The following SNTN variants were observed in gnomAD, a reference collection of about 807,000 sequenced individuals.
SNTN encodes sentan.
SNTN carries 13 observed loss-of-function variants against 12.3 expected under a neutral mutation model. The ratio of observed to expected loss-of-function variants is 1.05; its 90% CI spans 0.69 to 1.67. SNTN has a LOEUF of 1.67. Among genes scored for constraint, SNTN ranks in the 40% most tolerant of loss-of-function variants. The pLI is 0.00. For missense variants in SNTN, 189 were observed against 169.8 expected (o/e 1.11, Z -0.63); for synonymous variants, 69 against 58.5 (o/e 1.18, Z -0.82).
intron 2 of SNTN, among the ~76,000 whole-genome samples, chr3:63,656,998 G>A (rs1267986732): frequency 6.6e-6 from 1 of 152,194 alleles, no homozygotes; most frequent in Non-Finnish European, 1.5e-5. Flanking sequence ...GTTGAGTCAT[G>A]TGCATTCATC....
chr3:63,658,479 A>C (rs576492946), intron 2 of SNTN, among the ~76,000 whole-genome samples: 1 of 151,444 alleles, frequency 6.6e-6, no homozygotes, highest in Non-Finnish European at 1.5e-5. Context: ...AAATAAATAC[A>C]TGTGTATACA....
At chr3:63,660,450 G>A (rs1441265410) in intron 3 of SNTN, among the ~76,000 whole-genome samples, 3 of 152,194 alleles carry the variant, frequency 2.0e-5, no homozygotes, top group Admixed American at 6.5e-5. Context: ...AGGGTTGGGG[G>A]TGGAATAGGA....
intron 3 of SNTN, among the ~76,000 whole-genome samples, chr3:63,660,597 G>C (rs999943454): frequency 1.3e-5 from 2 of 152,144 alleles, no homozygotes; most frequent in African/African-American, 4.8e-5. Flanking sequence ...TCTGACAATT[G>C]ATTGACTGTG....
At chr3:63,663,149 G>C (rs944052437) in intron 3 of SNTN, among the ~76,000 whole-genome samples, 1 of 152,100 alleles carries the variant, frequency 6.6e-6, no homozygotes, top group Non-Finnish European at 1.5e-5. Flanking sequence ...AACATAATAT[G>C]TGTGTTCAAA....
At chr3:63,653,184 G>A (rs1700639258) in intron 1 of SNTN, among the ~76,000 whole-genome samples, 1 of 152,148 alleles carries the variant, frequency 6.6e-6, no homozygotes, top group Admixed American at 6.6e-5. Context: ...TCATTTAGGA[G>A]ACTGGCTTTA....
chr3:63,655,215 C>A lies in SNTN; in HGVS notation c.145+419C>A, dbSNP rs77920141. ...GAGTGGAAACAGTGTGGCCACCTCT[C>A]GAAGTGTAAATATTTGCCCCTGGAA... On this transcript the variant is annotated intron_variant, in intron 2 of 3. Transcript: ENST00000343837. 1.1e-3 allele frequency among the ~76,000 whole-genome samples: 169 copies of A among 152,124 alleles called. 5 individuals are homozygous for A. In the East Asian group the frequency reaches 0.026, roughly 24 times the overall value.
intron 2 of SNTN, among the ~76,000 whole-genome samples, chr3:63,658,525 A>C (rs574765177): frequency 1.3e-5 from 2 of 151,974 alleles, no homozygotes; most frequent in Admixed American, 1.3e-4. Context: ...TTTCTTTGCT[A>C]GATCGTAAGA....
intron 3 of SNTN, chr3:63,663,694 C>T (rs570717953): frequency 2.9e-5 from 18 of 622,890 alleles, no homozygotes; most frequent in African/African-American, 2.9e-4. Context: ...GTTCATACAC[C>T]AGCTCCCCTT....
intron 3 of SNTN, 130 bp from the exon 4 acceptor site, chr3:63,663,807 T>G: frequency 8.0e-7 from 1 of 1,245,014 alleles, no homozygotes; most frequent in South Asian, 1.3e-5. Flanking sequence ...TTTTTCTTTT[T>G]TCTTTATAAA....
chr3:63,663,295 T>C (rs1700761617), intron 3 of SNTN, among the ~76,000 whole-genome samples: 1 of 152,142 alleles, frequency 6.6e-6, no homozygotes, highest in African/African-American at 2.4e-5. Flanking sequence ...ACTGCATCTG[T>C]AGGATGAGGA....
Position 63,652,717 on chromosome 3 carries a change from C to T in SNTN, c.30C>T (p.Asp10=). MGGCMHSTQ[D]KSLHLEGDPN... ...GTGGCTGTATGCACAGTACCCAGGA[C>T]AAATCTCTCCACTTGGAAGGAGATC... Residue 10 remains aspartate (D), a synonymous_variant, in exon 1 of 4, where the codon GAC becomes GAT. Coordinates refer to ENST00000343837, the MANE Select transcript of SNTN (RefSeq NM_001080537.2). 6.2e-7 allele frequency: 1 copy of T among 1,614,034 alleles called. No homozygotes were observed. The highest frequency in any genetic ancestry group is 8.5e-7 in the Non-Finnish European group (1 of 1,179,956).
Position 63,664,258 on chromosome 3 carries a change from C to A in SNTN, c.*163C>A. 1.6e-6 allele frequency: 1 copy of A among 626,026 alleles called. No individual in the cohort carries two copies. The highest frequency in any genetic ancestry group is 2.7e-6 in the Non-Finnish European group (1 of 372,254). 38.8% of individuals were successfully genotyped at this position (626,026 alleles called of 1,614,324 possible). ...TCCAATGTAACTCCAAATATTTACC[C>A]ATACACTTCAAGAATGTTTGAATGA... On this transcript the variant is annotated 3_prime_UTR_variant, in exon 4 of 4. Transcript: ENST00000343837.
At chr3:63,659,699 T>C in intron 2 of SNTN, 26 bp from the exon 3 acceptor site, 2 of 1,613,284 alleles carry the variant, frequency 1.2e-6, no homozygotes, top group Non-Finnish European at 1.7e-6. Flanking sequence ...CTCAGGATAC[T>C]TTATTCCACA....
intron 2 of SNTN, 130 bp from the exon 3 acceptor site, chr3:63,659,595 C>T: frequency 2.0e-6 from 2 of 982,202 alleles, no homozygotes; most frequent in Non-Finnish European, 3.0e-6. Context: ...CCACATCCTT[C>T]TCCCAGATAG....
At chr3:63,659,949 T>C (rs924264270) in intron 3 of SNTN, 85 bp downstream of exon 3, 11 of 1,500,906 alleles carry the variant, frequency 7.3e-6, no homozygotes, top group African/African-American at 2.8e-5. Flanking sequence ...TCCAGGTCCC[T>C]GTCATGTTGT....
intron 2 of SNTN, among the ~76,000 whole-genome samples, chr3:63,658,489 A>C (rs13101201): frequency 0.17 from 25,565 of 151,270 alleles, 2,218 homozygotes; most frequent in African/African-American, 0.2. Context: ...ATGTGTATAC[A>C]TATACATACT....
At chr3:63,662,742 C>A (rs1241873240) in intron 3 of SNTN, among the ~76,000 whole-genome samples, 1 of 152,144 alleles carries the variant, frequency 6.6e-6, no homozygotes, top group African/African-American at 2.4e-5. Context: ...AGCATCATTC[C>A]CAAAGTGCCT....
intron 3 of SNTN, among the ~76,000 whole-genome samples, chr3:63,663,202 G>T (rs1700760271): frequency 6.6e-6 from 1 of 152,120 alleles, no homozygotes; most frequent in African/African-American, 2.4e-5. Flanking sequence ...GGGCTGTCAA[G>T]AGGTAGATGG....
chr3:63,660,083 A>G (rs543862868), intron 3 of SNTN, among the ~76,000 whole-genome samples: 3 of 152,330 alleles, frequency 2.0e-5, no homozygotes, highest in African/African-American at 7.2e-5. Flanking sequence ...GTAATTAAAA[A>G]TAGTCAAAGG....
Sources: allele counts gnomAD v4.1 joint callset (sites outside exome capture counted in the v4.1 genomes callset), GRCh38; gene constraint gnomAD v4.1.1; transcripts MANE v1.5; gene names NCBI Gene and HGNC (gene_info 2026-07-23, HGNC 2026-07-21).